EHMT1: variants seen among roughly 807,000 people sequenced by gnomAD.
The protein encoded by EHMT1 is histone-lysine N-methyltransferase EHMT1.
A neutral mutation model predicts 147.2 loss-of-function variants in EHMT1; 15 were observed. The observed-to-expected ratio is 0.10, with a 90% confidence interval of 0.07 to 0.16. The LOEUF is 0.16. Among genes scored for constraint, EHMT1 ranks in the 10% least tolerant of loss-of-function variants. The pLI is 1.00. For missense variants in EHMT1, 1,587 were observed against 1,772.4 expected (o/e 0.90, Z 1.88); for synonymous variants, 795 against 709.6 (o/e 1.12, Z -1.91).
At chr9:137,802,389 AGCTGTGTCTGCCTTCACAGAGG>A in intron 18 of EHMT1, 1 of 398,716 alleles carries the variant, frequency 2.5e-6, no homozygotes, top group Non-Finnish European at 4.4e-6. Context: ...TAGCCCACAG[AGCTGTGTCTGCCTTCACAGAGG>A]GTTCCAGAGG....
At chr9:137,664,994 T>C (rs888742640) in intron 1 of EHMT1, 3 of 152,198 alleles carry the variant, frequency 2.0e-5, no homozygotes. Flanking sequence ...CCTGGCTCTG[T>C]TGGACCACCC....
intron 1 of EHMT1, among the ~76,000 whole-genome samples, chr9:137,662,871 G>A (rs1486159555): frequency 6.6e-6 from 1 of 151,570 alleles, no homozygotes; most frequent in Admixed American, 6.6e-5. Flanking sequence ...TCTGCTCACT[G>A]CAGCCTCTGC....
At chr9:137,772,475 G>T (rs1250341723) in intron 10 of EHMT1, among the ~76,000 whole-genome samples, 1 of 152,234 alleles carries the variant, frequency 6.6e-6, no homozygotes, top group African/African-American at 2.4e-5. Flanking sequence ...GCCAGGTGGG[G>T]TGCCTAGCTG....
intron 16 of EHMT1, among the ~76,000 whole-genome samples, chr9:137,794,913 CTT>C (rs1335548664): frequency 6.6e-6 from 1 of 152,088 alleles, no homozygotes; most frequent in Non-Finnish European, 1.5e-5. Context: ...AGGAGGAAAA[CTT>C]AGCGCGTTGG....
At chr9:137,627,246 C>G (rs988569481) in intron 1 of EHMT1, among the ~76,000 whole-genome samples, 10 of 151,222 alleles carry the variant, frequency 6.6e-5, no homozygotes, top group Non-Finnish European at 2.9e-5. Flanking sequence ...GCATGAACCA[C>G]CATGCCTGGC....
intron 4 of EHMT1, among the ~76,000 whole-genome samples, chr9:137,742,516 G>A (rs1216190683): frequency 6.6e-6 from 1 of 152,004 alleles, no homozygotes; most frequent in Non-Finnish European, 1.5e-5. Flanking sequence ...TAAAGCAGTG[G>A]CTTTTAGATC....
At chr9:137,680,081 T>C (rs553995807) in intron 1 of EHMT1, among the ~76,000 whole-genome samples, 159 of 152,336 alleles carry the variant, frequency 1.0e-3, no homozygotes, top group African/African-American at 3.6e-3. Flanking sequence ...CCCTTCCTGC[T>C]GATGCGAAAT....
intron 1 of EHMT1, among the ~76,000 whole-genome samples, chr9:137,633,804 G>C (rs1048862645): frequency 6.6e-6 from 1 of 151,040 alleles, no homozygotes; most frequent in Admixed American, 6.6e-5. Context: ...CATTCTGTGG[G>C]CTGTCTTTTC....
At chr9:137,720,402 G>GA (rs1219978056) in intron 3 of EHMT1, among the ~76,000 whole-genome samples, 1 of 152,044 alleles carries the variant, frequency 6.6e-6, no homozygotes. Flanking sequence ...CTCCCAGGCT[G>GA]AAGTCATCCT....
At chr9:137,805,043 T>TCGGA (rs2137491765) in intron 18 of EHMT1, among the ~76,000 whole-genome samples, 1 of 151,738 alleles carries the variant, frequency 6.6e-6, no homozygotes, top group East Asian at 1.9e-4. Flanking sequence ...TGTCTGTCAG[T>TCGGA]CGTCCACATG....
At chr9:137,654,522 G>A (rs1283329306) in intron 1 of EHMT1, among the ~76,000 whole-genome samples, 4 of 152,126 alleles carry the variant, frequency 2.6e-5, no homozygotes. Context: ...TACCTTTGTT[G>A]TAAGTTTTGA....
intron 16 of EHMT1, among the ~76,000 whole-genome samples, chr9:137,793,237 C>T (rs749288285): frequency 1.3e-5 from 2 of 152,166 alleles, no homozygotes; most frequent in African/African-American, 2.4e-5. Context: ...TACATCTCAA[C>T]AACAACAGAA....
intron 3 of EHMT1, among the ~76,000 whole-genome samples, chr9:137,718,705 T>C (rs1945603721): frequency 6.6e-6 from 1 of 152,048 alleles, no homozygotes; most frequent in African/African-American, 2.4e-5. Flanking sequence ...CTGACATAAA[T>C]TTTTTTCATG....
intron 1 of EHMT1, among the ~76,000 whole-genome samples, chr9:137,625,510 G>A (rs147737088): frequency 0.028 from 4,276 of 151,842 alleles, 205 homozygotes; most frequent in African/African-American, 0.092. Flanking sequence ...GCTAATTTTT[G>A]TATTTTTAGT....
At chr9:137,834,182 G>A (rs1228377834) in intron 25 of EHMT1, 167 bp from the exon 26 acceptor site, 1 of 862,596 alleles carries the variant, frequency 1.2e-6, no homozygotes, top group Non-Finnish European at 1.8e-6. Flanking sequence ...GGAGAAGGCT[G>A]GCGGAGGCTC....
At chr9:137,661,385 C>CT (rs1244181357) in intron 1 of EHMT1, among the ~76,000 whole-genome samples, 1 of 151,296 alleles carries the variant, frequency 6.6e-6, no homozygotes, top group African/African-American at 2.4e-5. Context: ...CAGAACTATA[C>CT]TTTTTTATTG....
At chr9:137,632,985 G>A (rs1014990524) in intron 1 of EHMT1, among the ~76,000 whole-genome samples, 1 of 152,186 alleles carries the variant, frequency 6.6e-6, no homozygotes, top group African/African-American at 2.4e-5. Context: ...TGTGAAGAAC[G>A]GATTGTAGAC....
intron 1 of EHMT1, among the ~76,000 whole-genome samples, chr9:137,681,901 G>T (rs1027803658): frequency 6.6e-5 from 10 of 152,082 alleles, no homozygotes; most frequent in Admixed American, 6.6e-4. Context: ...TCACTGATGC[G>T]GGAAGCTCTC....
chr9:137,710,098 G>A (rs1227509932), intron 1 of EHMT1, among the ~76,000 whole-genome samples: 2 of 151,366 alleles, frequency 1.3e-5, no homozygotes, highest in African/African-American at 2.4e-5. Flanking sequence ...AGTGTTTTAT[G>A]TGTTTATGTT....
Sources: gnomAD v4.1 joint callset for allele counts (sites outside exome capture counted in the v4.1 genomes callset) on GRCh38, gnomAD v4.1.1 for gene constraint, MANE v1.5 for transcripts, NCBI Gene and HGNC (gene_info 2026-07-23, HGNC 2026-07-21) for gene names.